Variants in GRM7 observed in about 807,000 individuals in gnomAD.
GRM7 encodes metabotropic glutamate receptor 7.
A neutral mutation model predicts 84.5 loss-of-function variants in GRM7; 35 were observed. The ratio of observed to expected loss-of-function variants is 0.41; its 90% CI spans 0.32 to 0.55. The LOEUF (loss-of-function observed/expected upper bound fraction) is 0.55, where lower values mean the gene tolerates loss of function less well. Ranked by LOEUF, GRM7 falls within the 20% of genes least tolerant of loss-of-function variation. The pLI, the probability that GRM7 is intolerant of heterozygous loss-of-function variation, is 0.19. For synonymous variants in GRM7, 487 were observed against 455.1 expected (o/e 1.07, Z -0.89); for missense variants, 1,003 against 1,194.6 (o/e 0.84, Z 2.36).
chr3:7,724,041 C>T (rs1702039036), intron 9 of GRM7, among the ~76,000 whole-genome samples: 1 of 152,104 alleles, frequency 6.6e-6, no homozygotes, highest in South Asian at 2.1e-4. Flanking sequence ...CAACAGAAAG[C>T]ACGTCCACAG....
intron 9 of GRM7, among the ~76,000 whole-genome samples, chr3:7,718,969 A>G (rs1221290622): frequency 2.0e-5 from 3 of 152,234 alleles, no homozygotes; most frequent in Non-Finnish European, 4.4e-5. Context: ...TCACAGCACT[A>G]GAACCTGGTA....
At chr3:7,030,398 T>G (rs1696147005) in intron 1 of GRM7, among the ~76,000 whole-genome samples, 1 of 152,188 alleles carries the variant, frequency 6.6e-6, no homozygotes, top group Admixed American at 6.5e-5. Context: ...GTTCATTATC[T>G]TGATTTTGGT....
intron 1 of GRM7, among the ~76,000 whole-genome samples, chr3:6,927,463 G>GAAAGAA (rs1553595156): frequency 3.2e-5 from 3 of 93,218 alleles, no homozygotes; most frequent in Admixed American, 1.1e-4. Context: ...GAAAGAGAGA[G>GAAAGAA]AGAAAGAAAG....
chr3:7,095,551 A>G (rs1035007952), intron 1 of GRM7, among the ~76,000 whole-genome samples: 2 of 152,274 alleles, frequency 1.3e-5, no homozygotes, highest in South Asian at 2.1e-4. Context: ...TTAGGACCAC[A>G]TTCTTTCCCA....
chr3:6,879,319 A>C (rs1046420381), intron 1 of GRM7, among the ~76,000 whole-genome samples: 1 of 152,216 alleles, frequency 6.6e-6, no homozygotes, highest in Non-Finnish European at 1.5e-5. Flanking sequence ...CATTTATAGA[A>C]TACAGTGTGA....
chr3:7,208,095 A>G (rs1696298008), intron 2 of GRM7, among the ~76,000 whole-genome samples: 1 of 152,214 alleles, frequency 6.6e-6, no homozygotes. Context: ...TTACAGCAGC[A>G]TATTCAGCCA....
intron 1 of GRM7, among the ~76,000 whole-genome samples, chr3:6,917,744 C>G (rs1272564932): frequency 6.6e-6 from 1 of 151,986 alleles, no homozygotes; most frequent in East Asian, 1.9e-4. Context: ...TACATTGCAA[C>G]TGAATTGATA....
At chr3:7,620,616 G>A (rs1356117644) in intron 8 of GRM7, among the ~76,000 whole-genome samples, 1 of 152,064 alleles carries the variant, frequency 6.6e-6, no homozygotes, top group African/African-American at 2.4e-5. Context: ...TTATATATGT[G>A]GAATAGATAA....
intron 1 of GRM7, among the ~76,000 whole-genome samples, chr3:7,029,301 C>CAAAAAAAAAAAAAA (rs57622634): frequency 2.0e-4 from 11 of 55,198 alleles, no homozygotes; most frequent in African/African-American, 4.7e-4. Flanking sequence ...GACTCTGCCT[C>CAAAAAAAAAAAAAA]AAAAAAAAAA....
Position 7,298,654 on chromosome 3 carries a change from A to T in GRM7, c.737-30A>T, listed in dbSNP as rs750125676. 2.5e-6 allele frequency: 4 copies of T among 1,598,036 alleles called. No individual in the cohort carries two copies. In the South Asian group the frequency reaches 3.3e-5, roughly 13 times the overall value. ...CCTTTGACATCTCTGTGGAAACATT[A>T]TTGACACTATGTTTTCTTCTCTTAA... On this transcript the variant is annotated intron_variant, in intron 2 of 9. Coordinates refer to ENST00000357716, the MANE Select transcript of GRM7 (RefSeq NM_000844.4).
chr3:7,195,506 T>C (rs2125108937), intron 2 of GRM7, among the ~76,000 whole-genome samples: 1 of 152,278 alleles, frequency 6.6e-6, no homozygotes, highest in African/African-American at 2.4e-5. Flanking sequence ...TTCATGCAAG[T>C]TCTAAAGTAA....
chr3:7,288,616 A>C (rs1444679772), intron 2 of GRM7, among the ~76,000 whole-genome samples: 1 of 152,164 alleles, frequency 6.6e-6, no homozygotes, highest in African/African-American at 2.4e-5. Flanking sequence ...ATAAGAATGG[A>C]GGCATTAAAA....
At chr3:6,932,653 A>G (rs190484553) in intron 1 of GRM7, among the ~76,000 whole-genome samples, 12 of 152,050 alleles carry the variant, frequency 7.9e-5, no homozygotes, top group Non-Finnish European at 1.6e-4. Flanking sequence ...TATGTTCATC[A>G]TATCGGGAGG....
chr3:7,718,509 C>T (rs746546868), intron 9 of GRM7, among the ~76,000 whole-genome samples: 4 of 152,134 alleles, frequency 2.6e-5, no homozygotes, highest in Non-Finnish European at 4.4e-5. Context: ...CTTGGAAATA[C>T]GGCATTAATA....
intron 9 of GRM7, among the ~76,000 whole-genome samples, chr3:7,716,709 G>A (rs1701782150): frequency 6.6e-6 from 1 of 152,152 alleles, no homozygotes; most frequent in African/African-American, 2.4e-5. Context: ...TTTTATGGTT[G>A]GCTCTGTTAC....
chr3:7,580,458 T>C (rs1448197570), intron 8 of GRM7, among the ~76,000 whole-genome samples: 1 of 152,180 alleles, frequency 6.6e-6, no homozygotes, highest in Non-Finnish European at 1.5e-5. Flanking sequence ...TGTCTAAAAA[T>C]TTACAACAGC....
chr3:7,358,622 C>T (rs541477046), intron 4 of GRM7, among the ~76,000 whole-genome samples: 2 of 148,588 alleles, frequency 1.3e-5, no homozygotes, highest in African/African-American at 5.1e-5. Flanking sequence ...TAATCCAGTG[C>T]TTCCAAACTT....
chr3:7,275,242 G>A (rs948858181), intron 2 of GRM7, among the ~76,000 whole-genome samples: 15 of 151,948 alleles, frequency 9.9e-5, no homozygotes, highest in Admixed American at 4.6e-4. Context: ...TTTTAAATAC[G>A]TGCTTCAATA....
At position 7,079,582 on chromosome 3, in the gene GRM7, C is replaced by T. The variant is rs962402010; in HGVS notation, c.520-66870C>T. 7.9e-5 allele frequency among the ~76,000 whole-genome samples: 12 copies of T among 152,110 alleles called. No individual in the cohort carries two copies. In the South Asian group the frequency reaches 1.7e-3, roughly 21 times the overall value. ...TTTGAATCAGAGATGGGTAACTAAACACCATGCCTAGTAGGCAGACAGTAG... is the reference window on the plus strand; with the variant it reads ...TTTGAATCAGAGATGGGTAACTAAATACCATGCCTAGTAGGCAGACAGTAG... On this transcript the variant is annotated intron_variant, in intron 1 of 9. Transcript: ENST00000357716.
Sources: allele counts gnomAD v4.1 joint callset (sites outside exome capture counted in the v4.1 genomes callset), GRCh38; gene constraint gnomAD v4.1.1; transcripts MANE v1.5; gene names NCBI Gene and HGNC (gene_info 2026-07-23, HGNC 2026-07-21).